RERE: variants seen among roughly 807,000 people sequenced by gnomAD.
RERE encodes arginine-glutamic acid dipeptide repeats protein.
A neutral mutation model predicts 146.1 loss-of-function variants in RERE; 40 were observed. The ratio of observed to expected loss-of-function variants is 0.27; its 90% CI spans 0.21 to 0.36. The LOEUF is 0.36. Among genes scored for constraint, RERE ranks in the 10% least tolerant of loss-of-function variants. The probability of loss-of-function intolerance (pLI) is 1.00; values close to 1 mark genes in which losing one functional copy is unlikely to be tolerated. For synonymous variants in RERE, 1,003 were observed against 866.0 expected (o/e 1.16, Z -2.78); for missense variants, 1,933 against 2,138.7 (o/e 0.90, Z 1.90).
In RERE at chr1:8,360,333, T is replaced by A. The variant is rs1641510078; in HGVS notation, c.3174A>T (p.Pro1058=). The change falls in exon 18 of 23, where the codon CCA becomes CCT. Residue 1058 remains proline, a synonymous_variant. Coordinates refer to ENST00000400908, the MANE Select transcript of RERE (RefSeq NM_001042681.2). ...TPPTCPSTST[P]PAGPGTSAQP... is the part of the protein sequence containing the mutation. Reference sequence around the variant, plus strand: ...GGGCCGAGGTGCCAGGTCCCGCCGGTGGGGTAGAGGTGGAGGGGCAGGTCG... The same window carrying A: ...GGGCCGAGGTGCCAGGTCCCGCCGGAGGGGTAGAGGTGGAGGGGCAGGTCG... 6.7e-7 allele frequency: 1 copy of A among 1,501,012 alleles called. No homozygotes were observed. Among genetic ancestry groups the A allele is most frequent in the Non-Finnish European group, 8.9e-7 (1 of 1,123,724 alleles). 93.0% of individuals were successfully genotyped at this position (1,501,012 alleles called of 1,614,324 possible).
chr1:8,432,092 G>A (rs1644103444), intron 11 of RERE, among the ~76,000 whole-genome samples: 1 of 152,130 alleles, frequency 6.6e-6, no homozygotes, highest in African/African-American at 2.4e-5. Flanking sequence ...CAACATTCCA[G>A]TTCTGGGCAT....
At position 8,366,022 on chromosome 1, in the gene RERE, G is replaced by A. The variant is rs371044304; in HGVS notation, c.1285-48C>T. 221 of 1,579,912 alleles carry A rather than the reference G, an allele frequency of 1.4e-4. No homozygotes were observed. The African/African-American group carries it at 1.5e-3, about 10-fold the overall frequency. ...GTGGGGGAGGGCCTGGGGCTTTTCC[G>A]TGCCCCACGCACCCTCTCTGCCACA... On this transcript the variant is annotated intron_variant, in intron 12 of 22. Coordinates refer to ENST00000400908, the MANE Select transcript of RERE (RefSeq NM_001042681.2).
At chr1:8,689,453 A>G (rs2124414846) in intron 1 of RERE, among the ~76,000 whole-genome samples, 1 of 152,354 alleles carries the variant, frequency 6.6e-6, no homozygotes, top group South Asian at 2.1e-4. Flanking sequence ...ACCTGTATAA[A>G]AATGAAAGGA....
chr1:8,707,220 T>A (rs1165191953), intron 1 of RERE, among the ~76,000 whole-genome samples: 1 of 152,248 alleles, frequency 6.6e-6, no homozygotes, highest in Non-Finnish European at 1.5e-5. Flanking sequence ...GCACTCTATA[T>A]TCTACAGGCC....
chr1:8,359,526 G>A lies in RERE; in HGVS notation c.3618+238C>T, dbSNP rs143710503. Among the ~76,000 whole-genome samples, 157 of 152,302 alleles carry A rather than the reference G, an allele frequency of 1.0e-3. 1 individual carries two copies. In the East Asian group the frequency reaches 0.028, roughly 27 times the overall value. On this transcript the variant is annotated intron_variant, in intron 19 of 22. Transcript: ENST00000400908. ...CCCTTTCCTCGAAGGCCCTCCGGTA[G>A]GAGGACGCACAGTCACTGCTGGGAG... is the stretch of plus-strand genomic sequence containing the variant.
intron 1 of RERE, among the ~76,000 whole-genome samples, chr1:8,739,378 T>C (rs1282098341): frequency 6.6e-6 from 1 of 152,048 alleles, no homozygotes; most frequent in Non-Finnish European, 1.5e-5. Flanking sequence ...CCAAGGAAAG[T>C]TGTTTGTGGG....
rs1357406281 is a variant in RERE at position 8,657,179 on chromosome 1, C to T, written c.-144-738G>A. On this transcript the variant is annotated intron_variant, in intron 1 of 22. Coordinates refer to ENST00000400908, the MANE Select transcript of RERE (RefSeq NM_001042681.2). ...AATTAGCTGGGTGTGGTGGCGGGCG[C>T]CTGTAGTCCCGGCTACTCAGGAGTC... 2.0e-5 allele frequency among the ~76,000 whole-genome samples: 3 copies of T among 151,986 alleles called. No homozygotes were observed. The East Asian group carries it at 5.8e-4, about 29-fold the overall frequency.
rs1169179329 is a variant in RERE at position 8,513,066 on chromosome 1, C to G, written c.831-4391G>C. ...CCAGCAAACTTTTAGGAGCCCCTCT[C>G]AAAGTTCAGGGCTACTGCCTAAGCA... On this transcript the variant is annotated intron_variant, in intron 7 of 22. Transcript: ENST00000400908. 8 of 152,304 alleles carry G rather than the reference C, an allele frequency of 5.3e-5. No individual in the cohort carries two copies. In the East Asian group the frequency reaches 1.5e-3, roughly 29 times the overall value. 9.4% of individuals were successfully genotyped at this position (152,304 alleles called of 1,614,324 possible). A position where few individuals can be genotyped will look rare whatever the true frequency, so the allele number is the denominator to read the frequency against.
chr1:8,631,118 T>C (rs753248890), intron 2 of RERE, among the ~76,000 whole-genome samples: 3 of 152,200 alleles, frequency 2.0e-5, no homozygotes, highest in Non-Finnish European at 4.4e-5. Context: ...CAGGTCATAA[T>C]AAACTAAAAG....
chr1:8,576,834 C>A (rs1182522994), intron 4 of RERE, among the ~76,000 whole-genome samples: 1 of 152,186 alleles, frequency 6.6e-6, no homozygotes, highest in Non-Finnish European at 1.5e-5. Context: ...AAATTACAAA[C>A]ATATTCATCT....
At chr1:8,622,266 A>G (rs1646924580) in intron 3 of RERE, among the ~76,000 whole-genome samples, 1 of 152,138 alleles carries the variant, frequency 6.6e-6, no homozygotes, top group South Asian at 2.1e-4. Flanking sequence ...ATGTGCAAAA[A>G]CTGTACAAAG....
intron 2 of RERE, among the ~76,000 whole-genome samples, chr1:8,648,416 G>C (rs1325515849): frequency 1.3e-5 from 2 of 152,112 alleles, no homozygotes; most frequent in Non-Finnish European, 2.9e-5. Context: ...ATTTTGAGTA[G>C]AGACAAGGTT....
At chr1:8,418,172 G>A (rs577705440) in intron 12 of RERE, among the ~76,000 whole-genome samples, 615 of 152,314 alleles carry the variant, frequency 4.0e-3, no homozygotes, top group Middle Eastern at 0.024. Context: ...TGCTCAGTGG[G>A]CACCCAGAAC....
intron 1 of RERE, among the ~76,000 whole-genome samples, chr1:8,765,966 AG>A (rs1640838081): frequency 6.6e-6 from 1 of 151,996 alleles, no homozygotes; most frequent in South Asian, 2.1e-4. Context: ...AAAAAAAATT[AG>A]CCGAGTGTGC....
chr1:8,506,050 T>C (rs551875055), intron 8 of RERE, among the ~76,000 whole-genome samples: 32 of 152,278 alleles, frequency 2.1e-4, no homozygotes, highest in African/African-American at 7.2e-4. Flanking sequence ...CTACATTTTC[T>C]TTTATGGTAG....
intron 1 of RERE, among the ~76,000 whole-genome samples, chr1:8,736,963 G>C (rs1640214418): frequency 1.3e-5 from 2 of 151,624 alleles, no homozygotes; most frequent in Non-Finnish European, 2.9e-5. Flanking sequence ...AATAAAGAAT[G>C]GTTTAACTCT....
chr1:8,646,014 C>G (rs114617164), intron 2 of RERE, among the ~76,000 whole-genome samples: 1 of 152,148 alleles, frequency 6.6e-6, no homozygotes, highest in Non-Finnish European at 1.5e-5. Context: ...ATTTTCCCAA[C>G]TGTTCCAAAG....
chr1:8,607,539 T>C (rs1476349738), intron 4 of RERE, among the ~76,000 whole-genome samples: 2 of 56,434 alleles, frequency 3.5e-5, no homozygotes, highest in African/African-American at 1.5e-4. Context: ...TATTTCTTTT[T>C]TTTTTTTTTT....
At chr1:8,743,288 C>CT (rs559839557) in intron 1 of RERE, among the ~76,000 whole-genome samples, 10 of 151,740 alleles carry the variant, frequency 6.6e-5, no homozygotes, top group Middle Eastern at 3.4e-3. Flanking sequence ...GTCCTATCTT[C>CT]TTTTTTTTGA....
Sources: allele counts gnomAD v4.1 joint callset (sites outside exome capture counted in the v4.1 genomes callset), GRCh38; gene constraint gnomAD v4.1.1; transcripts MANE v1.5; gene names NCBI Gene and HGNC (gene_info 2026-07-23, HGNC 2026-07-21).